The following MSL2 variants were observed in gnomAD, a reference collection of about 807,000 sequenced individuals.
The protein encoded by MSL2 is E3 ubiquitin-protein ligase MSL2.
MSL2 carries 2 observed loss-of-function variants against 35.8 expected under a neutral mutation model. The ratio of observed to expected loss-of-function variants is 0.06; its 90% CI spans 0.02 to 0.18. The LOEUF (loss-of-function observed/expected upper bound fraction) is 0.18, where lower values mean the gene tolerates loss of function less well. MSL2 is among the 10% of genes least tolerant of loss of function. The pLI is 1.00. For missense variants in MSL2, 523 were observed against 706.7 expected (o/e 0.74, Z 2.95); for synonymous variants, 296 against 255.7 (o/e 1.16, Z -1.50).
intron 1 of MSL2, among the ~76,000 whole-genome samples, chr3:136,194,006 C>T (rs774017509): frequency 6.6e-6 from 1 of 152,174 alleles, no homozygotes; most frequent in Non-Finnish European, 1.5e-5. Context: ...CTTCCTTTAT[C>T]TACTTTTAAA....
At chr3:136,193,157 T>G (rs866487894) in intron 1 of MSL2, among the ~76,000 whole-genome samples, 34 of 152,012 alleles carry the variant, frequency 2.2e-4, no homozygotes, top group East Asian at 5.8e-4. Flanking sequence ...ATGTAGTGGG[T>G]TTTTTTTATC....
At chr3:136,189,714 G>C (rs1447567909) in intron 1 of MSL2, among the ~76,000 whole-genome samples, 1 of 116,692 alleles carries the variant, frequency 8.6e-6, no homozygotes, top group African/African-American at 3.4e-5. Flanking sequence ...ACAGCGAGAC[G>C]CCGTCTCAAA....
intron 1 of MSL2, among the ~76,000 whole-genome samples, chr3:136,165,467 G>A (rs189338905): frequency 2.9e-4 from 44 of 152,036 alleles, no homozygotes; most frequent in Admixed American, 5.2e-4. Context: ...TTAAATTTAA[G>A]GCTAAGACAT....
chr3:136,174,499 T>C (rs1940114019), intron 1 of MSL2, among the ~76,000 whole-genome samples: 1 of 152,160 alleles, frequency 6.6e-6, no homozygotes, highest in African/African-American at 2.4e-5. Context: ...AGCCACAAGA[T>C]ATACAACCTT....
rs1940819071 is a variant in MSL2, at chr3:136,195,628, C to T, written c.-515G>A. The stretch of plus-strand genomic sequence containing the variant: ...GAGGCGGCGGCGACGGCAAGGACGA[C>T]GGTCGGGCAGCGGCTTCCCGGATCT... On this transcript the variant is annotated 5_prime_UTR_variant, in exon 1 of 2. Coordinates refer to ENST00000309993, the MANE Select transcript of MSL2 (RefSeq NM_018133.4). 4 of 980,592 alleles carry T rather than the reference C, an allele frequency of 4.1e-6. No individual in the cohort carries two copies. The highest frequency in any genetic ancestry group is 4.8e-6 in the Non-Finnish European group (4 of 825,420). 60.7% of individuals were successfully genotyped at this position (980,592 alleles called of 1,614,324 possible).
At chr3:136,154,570 G>GAAAA (rs145034942) in intron 1 of MSL2, among the ~76,000 whole-genome samples, 1 of 145,208 alleles carries the variant, frequency 6.9e-6, no homozygotes. Context: ...AAATCAGTGG[G>GAAAA]AAAAAAAAAA....
chr3:136,166,061 G>GAA, intron 1 of MSL2, among the ~76,000 whole-genome samples: 1 of 30,406 alleles, frequency 3.3e-5, no homozygotes, highest in South Asian at 1.0e-3. Context: ...GTACGTACCA[G>GAA]TAAAAAAAAA....
At chr3:136,177,514 A>T (rs1057108080) in intron 1 of MSL2, among the ~76,000 whole-genome samples, 4 of 151,872 alleles carry the variant, frequency 2.6e-5, no homozygotes, top group East Asian at 1.9e-4. Context: ...CTCAACTAAA[A>T]ATACAAAAAA....
intron 1 of MSL2, among the ~76,000 whole-genome samples, chr3:136,165,350 C>T (rs912367391): frequency 6.6e-6 from 1 of 152,018 alleles, no homozygotes; most frequent in African/African-American, 2.4e-5. Flanking sequence ...GTGATATTGA[C>T]CCTAAAAATA....
At chr3:136,184,842 C>G (rs991358979) in intron 1 of MSL2, among the ~76,000 whole-genome samples, 1 of 149,880 alleles carries the variant, frequency 6.7e-6, no homozygotes, top group African/African-American at 2.5e-5. Flanking sequence ...TCTCTCAAAT[C>G]TAGCCAATGA....
At chr3:136,190,056 G>A (rs1023895610) in intron 1 of MSL2, among the ~76,000 whole-genome samples, 3 of 152,052 alleles carry the variant, frequency 2.0e-5, no homozygotes, top group Admixed American at 6.6e-5. Context: ...ACTCCAGCCT[G>A]GGCAACATAG....
chr3:136,175,548 A>T (rs950382616), intron 1 of MSL2, among the ~76,000 whole-genome samples: 1 of 151,846 alleles, frequency 6.6e-6, no homozygotes, highest in Non-Finnish European at 1.5e-5. Context: ...TTAGCCAGAC[A>T]TGGTGGCACA....
chr3:136,171,720 A>G (rs760187174), intron 1 of MSL2, among the ~76,000 whole-genome samples: 1 of 152,162 alleles, frequency 6.6e-6, no homozygotes, highest in Non-Finnish European at 1.5e-5. Context: ...TATTAACTAA[A>G]TATCTAGGTT....
intron 1 of MSL2, among the ~76,000 whole-genome samples, chr3:136,193,216 A>T (rs867152925): frequency 7.9e-5 from 12 of 152,206 alleles, no homozygotes; most frequent in African/African-American, 1.9e-4. Flanking sequence ...AAAATGTTCA[A>T]TTAGACCACC....
intron 1 of MSL2, among the ~76,000 whole-genome samples, chr3:136,169,299 T>C (rs1009695165): frequency 1.4e-5 from 2 of 141,040 alleles, no homozygotes; most frequent in Admixed American, 1.5e-4. Flanking sequence ...TGTGCATATG[T>C]ATGGGGGTAC....
chr3:136,195,940 AC>A lies in MSL2; in HGVS notation c.-828del. 2.0e-6 allele frequency: 1 copy of A among 489,696 alleles called. No homozygotes were observed. Among genetic ancestry groups the A allele is most frequent in the Non-Finnish European group, 2.6e-6 (1 of 378,478 alleles). 30.3% of individuals were successfully genotyped at this position (489,696 alleles called of 1,614,324 possible). On this transcript the variant is annotated 5_prime_UTR_variant, in exon 1 of 2. Transcript: ENST00000309993. The stretch of plus-strand genomic sequence containing the variant: ...CGCCTCAGTCGCACACTCCGGGGTC[AC>A]CAGACTCAAGCGCCGCCCCCTCACT...
Position 136,149,918 on chromosome 3 carries a change from C to T in MSL2, c.*1229G>A, listed in dbSNP as rs1037376355. On this transcript the variant is annotated 3_prime_UTR_variant, in exon 2 of 2. Coordinates refer to ENST00000309993, the MANE Select transcript of MSL2 (RefSeq NM_018133.4). Reference sequence around the variant, plus strand: ...TTTTAAATCACAGGTTATTTCATTACACCTAGTCAGTCCTTGTTTTATTTG... The same window carrying T: ...TTTTAAATCACAGGTTATTTCATTATACCTAGTCAGTCCTTGTTTTATTTG... 6.6e-6 allele frequency: 1 copy of T among 152,618 alleles called. No homozygotes were observed. The highest frequency in any genetic ancestry group is 1.5e-5 in the Non-Finnish European group (1 of 68,040). The allele number at this position is 152,618 out of a possible 1,614,324, so 9.5% of individuals were successfully genotyped here.
rs1940823330 is a variant in MSL2 at position 136,195,689 on chromosome 3, T to C, written c.-576A>G. On this transcript the variant is annotated 5_prime_UTR_variant, in exon 1 of 2. Transcript: ENST00000309993. ...GCCGCGGCGGCGACGAAGGTTGATG[T>C]TGCGGCTGGCGGACGCCGCCGCCGC... 6.1e-6 allele frequency: 6 copies of C among 985,290 alleles called. No individual in the cohort carries two copies. Among genetic ancestry groups the C allele is most frequent in the Non-Finnish European group, 7.2e-6 (6 of 829,892 alleles). 61.0% of individuals were successfully genotyped at this position (985,290 alleles called of 1,614,324 possible). A position where few individuals can be genotyped will look rare whatever the true frequency, so the allele number is the denominator to read the frequency against.
chr3:136,152,814 A>G (rs1576353391), intron 1 of MSL2, 76 bp from the exon 2 acceptor site: 10 of 1,526,186 alleles, frequency 6.6e-6, no homozygotes, highest in African/African-American at 2.8e-5. Context: ...TTTAGATGAC[A>G]TAAGTAGTCT....
Sources: allele counts gnomAD v4.1 joint callset (sites outside exome capture counted in the v4.1 genomes callset), GRCh38; gene constraint gnomAD v4.1.1; transcripts MANE v1.5; gene names NCBI Gene and HGNC (gene_info 2026-07-23, HGNC 2026-07-21).